MEIOB: variants seen among roughly 807,000 people sequenced by gnomAD.
MEIOB encodes the protein meiosis specific with OB-fold.
MEIOB carries 50 observed loss-of-function variants against 53.1 expected under a neutral mutation model. That is an observed-to-expected ratio of 0.94 (90% CI 0.75 to 1.19). MEIOB has a LOEUF of 1.19. Ranked by LOEUF, MEIOB falls within the 50% of genes most tolerant of loss-of-function variation. The probability of loss-of-function intolerance (pLI) is 0.00; values close to 1 mark genes in which losing one functional copy is unlikely to be tolerated. For synonymous variants in MEIOB, 192 were observed against 182.5 expected, an observed-to-expected ratio of 1.05 and a Z score of -0.42; for missense variants, 551 against 550.8, an observed-to-expected ratio of 1.00 and a Z score of 0.00.
chr16:1,837,813 G>T lies in MEIOB; in HGVS notation c.1276C>A (p.Leu426Ile), dbSNP rs201086029. 5.2e-6 allele frequency: 8 copies of T among 1,540,220 alleles called. No individual in the cohort carries two copies. The highest frequency in any genetic ancestry group is 2.0e-5 in the Admixed American group (1 of 49,444). The stretch of plus-strand genomic sequence containing the variant: ...AAATAAATTTTGCTTCTTTCCAAGA[G>T]AAATTGCCACTTTAATGCTGTTTTC... ...EQKTALKWQF[L>I]LERSKIYLKF... Residue 426 changes from leucine (L) to isoleucine (I), a missense_variant, in exon 13 of 14, where the codon CTC becomes ATC. By Grantham distance (5) the Leu-to-Ile change is conservative. Coordinates refer to ENST00000325962, the MANE Select transcript of MEIOB (RefSeq NM_001163560.3).
chr16:1,857,639 C>T, intron 6 of MEIOB, 96 bp downstream of exon 6: 1 of 881,394 alleles, frequency 1.1e-6, no homozygotes, highest in South Asian at 1.6e-5. Context: ...AGAAAAGTTA[C>T]CCCAGCTGAT....
At chr16:1,847,933 CA>C (rs1201196909) in intron 9 of MEIOB, among the ~76,000 whole-genome samples, 1 of 152,030 alleles carries the variant, frequency 6.6e-6, no homozygotes, top group Non-Finnish European at 1.5e-5. Context: ...AAGTAACAAT[CA>C]TGGCTTTATT....
chr16:1,841,930 T>G lies in MEIOB; in HGVS notation c.924A>C (p.Gly308=). The change falls in exon 11 of 14, where the codon GGA becomes GGC. Residue 308 remains glycine, a synonymous_variant. Coordinates refer to ENST00000325962, the MANE Select transcript of MEIOB (RefSeq NM_001163560.3). ...CTTTTCCTTCATTCTTCAAAGCTTT[T>G]CCCTTTAATTGTTCAACTGTGTAGA... ...VDVYTVEQLK[G]KALKNEGKAD... The G allele has an allele frequency of 6.2e-7, 1 of 1,608,486 alleles. No individual in the cohort carries two copies.
intron 8 of MEIOB, 35 bp downstream of exon 8, chr16:1,853,184 G>A: frequency 6.4e-7 from 1 of 1,562,222 alleles, no homozygotes. Flanking sequence ...GGATATAAAT[G>A]ACAAATATTG....
intron 9 of MEIOB, among the ~76,000 whole-genome samples, chr16:1,848,147 A>G (rs1464363660): frequency 1.3e-5 from 2 of 151,884 alleles, no homozygotes; most frequent in African/African-American, 2.4e-5. Flanking sequence ...ATGGAGTCTC[A>G]CTTATGGCTT....
At position 1,862,118 on chromosome 16, in the gene MEIOB, TAAG is replaced by T. The variant is rs1227028005; in HGVS notation, c.128-5_128-3del. ...AAGTGTACCTTTCTGATCCAATATC[TAAG>T]GGAAAACCAATGCTTTTATTTTTCA... On this transcript the variant is annotated splice_region_variant and splice_polypyrimidine_tract_variant and intron_variant, in intron 3 of 13. Transcript: ENST00000325962. The T allele has an allele frequency of 6.5e-7, 1 of 1,549,134 alleles. No individual in the cohort carries two copies. The highest frequency in any genetic ancestry group is 2.0e-5 in the Admixed American group (1 of 50,578).
chr16:1,845,676 T>TAA (rs144406969), intron 9 of MEIOB, among the ~76,000 whole-genome samples: 45 of 151,630 alleles, frequency 3.0e-4, no homozygotes, highest in East Asian at 1.9e-4. Flanking sequence ...TTACTTATCA[T>TAA]AAAAAAAAGG....
chr16:1,859,238 AG>A (rs1899382249), intron 5 of MEIOB, among the ~76,000 whole-genome samples: 1 of 152,190 alleles, frequency 6.6e-6, no homozygotes, highest in Non-Finnish European at 1.5e-5. Context: ...ATGCAGAGAG[AG>A]AATAGAAAAT....
intron 1 of MEIOB, among the ~76,000 whole-genome samples, chr16:1,871,556 G>C (rs1208583216): frequency 1.0e-5 from 1 of 98,328 alleles, no homozygotes; most frequent in Non-Finnish European, 1.8e-5. Flanking sequence ...ACAGAGTCTT[G>C]CTCTGTTGCC....
At chr16:1,837,924 C>G in intron 12 of MEIOB, 54 bp from the exon 13 acceptor site, 1 of 1,453,146 alleles carries the variant, frequency 6.9e-7, no homozygotes, top group South Asian at 1.4e-5. Context: ...AAAGAAAATT[C>G]ATTTTTGACA....
chr16:1,834,950 A>G (rs1429121581), intron 13 of MEIOB, among the ~76,000 whole-genome samples: 1 of 47,828 alleles, frequency 2.1e-5, no homozygotes. Context: ...ACCCCCCCCC[A>G]CTAAAAAAAA....
intron 7 of MEIOB, 55 bp downstream of exon 7, chr16:1,854,045 T>A: frequency 1.0e-6 from 1 of 967,738 alleles, no homozygotes; most frequent in Non-Finnish European, 1.6e-6. Context: ...AAAATGAAAA[T>A]GTCCTGGTGA....
rs1253490508 is a variant in MEIOB at position 1,834,085 on chromosome 16, TGA to T, written c.*169_*170del. On this transcript the variant is annotated 3_prime_UTR_variant, in exon 14 of 14. Transcript: ENST00000325962. ...AGGCCTTCTAAGAAGGGAGGTCAGATGAGAGAGGCCTTCAGACTCACCCAGAC... is the reference window on the plus strand; with the variant it reads ...AGGCCTTCTAAGAAGGGAGGTCAGATGAGAGGCCTTCAGACTCACCCAGAC... The T allele has an allele frequency of 1.6e-5, 8 of 511,486 alleles. No homozygotes were observed. In the African/African-American group the frequency reaches 1.6e-4, roughly 10 times the overall value. The allele number at this position is 511,486 out of a possible 1,614,324, so 31.7% of individuals were successfully genotyped here. A position where few individuals can be genotyped will look rare whatever the true frequency, so the allele number is the denominator to read the frequency against.
In MEIOB at chr16:1,862,001, A is replaced by G; in HGVS notation, c.243T>C (p.Phe81=). The change falls in exon 4 of 14, where the codon TTT becomes TTC. Residue 81 remains phenylalanine, a synonymous_variant. Coordinates refer to ENST00000325962, the MANE Select transcript of MEIOB (RefSeq NM_001163560.3). ...EDYIKSLSDS[F]RVGDCVIIEN... The stretch of plus-strand genomic sequence containing the variant: ...CCAACTTACCACAGTCACCAACCCT[A>G]AAGCTGTCAGAAAGAGACTTGATGT... 6.4e-7 allele frequency: 1 copy of G among 1,551,168 alleles called. No homozygotes were observed. Among genetic ancestry groups the G allele is most frequent in the Non-Finnish European group, 8.7e-7 (1 of 1,146,738 alleles).
At position 1,844,937 on chromosome 16, in the gene MEIOB, T is replaced by C. The variant is rs1046615342; in HGVS notation, c.805A>G (p.Asn269Asp). Residue 269 changes from asparagine (N) to aspartate (D), a missense_variant, in exon 10 of 14, where the codon AAT becomes GAT. Coordinates refer to ENST00000325962, the MANE Select transcript of MEIOB (RefSeq NM_001163560.3). ...GTTTCTTTATTTTCTCGTATAAAAT[T>C]CAGCAGAATGTTAGCTTCTGGTATA... ...PDIPEANILL[N>D]FIRENKETNV... 17 of 1,548,850 alleles carry C rather than the reference T, an allele frequency of 1.1e-5. No homozygotes were observed. The highest frequency in any genetic ancestry group is 1.5e-5 in the Non-Finnish European group (17 of 1,128,256).
chr16:1,858,950 C>T (rs1451147946), intron 5 of MEIOB, among the ~76,000 whole-genome samples: 1 of 152,150 alleles, frequency 6.6e-6, no homozygotes, highest in Admixed American at 6.6e-5. Flanking sequence ...ATATACCAGA[C>T]CCTATGCTAG....
At chr16:1,839,500 C>A (rs1272851576) in intron 11 of MEIOB, 62 bp from the exon 12 acceptor site, 1 of 1,449,228 alleles carries the variant, frequency 6.9e-7, no homozygotes, top group East Asian at 2.4e-5. Context: ...TCATCTGTAG[C>A]AGAAAAAGAA....
chr16:1,871,519 CTTTTTTTTTTT>C (rs71148106), intron 1 of MEIOB, among the ~76,000 whole-genome samples: 4 of 39,780 alleles, frequency 1.0e-4, no homozygotes, highest in African/African-American at 1.1e-4. Context: ...GCGCCCGGCC[CTTTTTTTTTTT>C]TTTTTTTTTT....
At chr16:1,845,523 A>T (rs1414160330) in intron 9 of MEIOB, among the ~76,000 whole-genome samples, 3 of 152,176 alleles carry the variant, frequency 2.0e-5, no homozygotes, top group Admixed American at 2.0e-4. Context: ...CTGTCTAAAA[A>T]AAAAAATACA....
Sources: gnomAD v4.1 joint callset for allele counts (sites outside exome capture counted in the v4.1 genomes callset) on GRCh38, gnomAD v4.1.1 for gene constraint, MANE v1.5 for transcripts, NCBI Gene and HGNC (gene_info 2026-07-23, HGNC 2026-07-21) for gene names.